Variants in MYO1E observed in about 807,000 individuals in gnomAD.
MYO1E encodes the protein myosin IE.
A neutral mutation model predicts 151.1 loss-of-function variants in MYO1E; 68 were observed. That is an observed-to-expected ratio of 0.45 (90% CI 0.37 to 0.55). MYO1E has a LOEUF of 0.55. MYO1E is among the 20% of genes least tolerant of loss of function. The probability of loss-of-function intolerance (pLI) is 0.00; values close to 1 mark genes in which losing one functional copy is unlikely to be tolerated. For missense variants in MYO1E, 1,363 were observed against 1,389.3 expected, an observed-to-expected ratio of 0.98 and a Z score of 0.30; for synonymous variants, 601 against 501.7, an observed-to-expected ratio of 1.20 and a Z score of -2.64.
intron 14 of MYO1E, 182 bp downstream of exon 14, chr15:59,208,499 A>G: frequency 9.9e-6 from 7 of 704,648 alleles, no homozygotes; most frequent in Non-Finnish European, 1.2e-5. Flanking sequence ...GTAAAAATAA[A>G]TGTACATACA....
intron 10 of MYO1E, among the ~76,000 whole-genome samples, chr15:59,217,106 A>T (rs953387763): frequency 3.3e-5 from 5 of 152,118 alleles, no homozygotes; most frequent in South Asian, 2.1e-4. Flanking sequence ...AGTTCCAATC[A>T]GCTTCCTGAC....
intron 23 of MYO1E, 78 bp downstream of exon 23, chr15:59,163,079 C>T: frequency 6.5e-7 from 1 of 1,537,256 alleles, no homozygotes; most frequent in Non-Finnish European, 8.9e-7. Context: ...TCCTCCAGCC[C>T]CATCCTGAAT....
chr15:59,151,029 ACACACACACACACACACACACGCG>A (rs1422566003), intron 26 of MYO1E, among the ~76,000 whole-genome samples: 5 of 133,880 alleles, frequency 3.7e-5, no homozygotes, highest in African/African-American at 1.3e-4. Context: ...ACACACACAC[ACACACACACACACACACACACGCG>A]CGCGCGCGCA....
intron 1 of MYO1E, among the ~76,000 whole-genome samples, chr15:59,322,936 C>A (rs1156429188): frequency 6.7e-6 from 1 of 149,126 alleles, no homozygotes; most frequent in African/African-American, 2.5e-5. Context: ...ACGAGGTGGG[C>A]GGATCACGAG....
intron 1 of MYO1E, among the ~76,000 whole-genome samples, chr15:59,316,398 G>A (rs1341099747): frequency 2.6e-5 from 4 of 152,258 alleles, no homozygotes; most frequent in Admixed American, 2.0e-4. Flanking sequence ...TCTCCAGACT[G>A]GAGGCCAAAA....
At chr15:59,292,162 T>C (rs1267491970) in intron 1 of MYO1E, among the ~76,000 whole-genome samples, 1 of 152,152 alleles carries the variant, frequency 6.6e-6, no homozygotes, top group Non-Finnish European at 1.5e-5. Context: ...CAAGGGGTGA[T>C]TTTATTTTAC....
At chr15:59,155,165 G>T (rs561394719) in intron 25 of MYO1E, among the ~76,000 whole-genome samples, 1 of 152,172 alleles carries the variant, frequency 6.6e-6, no homozygotes, top group African/African-American at 2.4e-5. Flanking sequence ...AGTGATAAAA[G>T]TGGGGTCCCC....
intron 7 of MYO1E, 135 bp from the exon 8 acceptor site, chr15:59,224,958 A>T (rs566975531): frequency 8.4e-7 from 1 of 1,187,960 alleles, no homozygotes; most frequent in South Asian, 1.3e-5. Flanking sequence ...CTGGCCCCCA[A>T]ATATGTACTT....
Position 59,136,604 on chromosome 15 carries a change from G to C in MYO1E, c.*776C>G, listed in dbSNP as rs1490221272. ...TTCATACATGTTTCTACCATCTCAA[G>C]ATTTTTATATATACAGTATATGATC... On this transcript the variant is annotated 3_prime_UTR_variant, in exon 28 of 28. Transcript: ENST00000288235. 2.4e-6 allele frequency: 1 copy of C among 419,060 alleles called. No individual in the cohort carries two copies. Among genetic ancestry groups the C allele is most frequent in the Non-Finnish European group, 4.8e-6 (1 of 206,468 alleles). The allele number at this position is 419,060 out of a possible 1,614,324, so 26.0% of individuals were successfully genotyped here.
At chr15:59,225,391 C>A (rs1363250630) in intron 7 of MYO1E, among the ~76,000 whole-genome samples, 1 of 152,162 alleles carries the variant, frequency 6.6e-6, no homozygotes, top group Non-Finnish European at 1.5e-5. Flanking sequence ...TTGGCCCCCA[C>A]ACCCCAGCTC....
intron 4 of MYO1E, among the ~76,000 whole-genome samples, chr15:59,246,907 T>C (rs2080133651): frequency 6.6e-6 from 1 of 152,196 alleles, no homozygotes; most frequent in South Asian, 2.1e-4. Flanking sequence ...TTATCCTCCG[T>C]TGATGACAAG....
At position 59,188,107 on chromosome 15, in the gene MYO1E, T is replaced by C; in HGVS notation, c.1904+11A>G. On this transcript the variant is annotated intron_variant, in intron 18 of 27. Transcript: ENST00000288235. Reference sequence around the variant, plus strand: ...CTGTTTTAAAAAAGGCCAGAGTCACTAGTTCATTACCTCTGTAGGAATTTT... The same window carrying C: ...CTGTTTTAAAAAAGGCCAGAGTCACCAGTTCATTACCTCTGTAGGAATTTT... 2.5e-6 allele frequency: 4 copies of C among 1,595,450 alleles called. No homozygotes were observed. Among genetic ancestry groups the C allele is most frequent in the Non-Finnish European group, 2.6e-6 (3 of 1,163,360 alleles).
chr15:59,195,717 A>T, intron 16 of MYO1E, 150 bp from the exon 17 acceptor site: 1 of 793,590 alleles, frequency 1.3e-6, no homozygotes, highest in Non-Finnish European at 2.1e-6. Context: ...CAGGTCTACT[A>T]AACTTTCCGA....
intron 1 of MYO1E, 104 bp downstream of exon 1, chr15:59,372,394 T>G (rs1596448184): frequency 2.1e-6 from 3 of 1,408,468 alleles, no homozygotes; most frequent in East Asian, 2.5e-5. Context: ...GTCCACCTTC[T>G]CCACCCCTGG....
At chr15:59,323,389 C>G (rs2080640736) in intron 1 of MYO1E, among the ~76,000 whole-genome samples, 3 of 151,766 alleles carry the variant, frequency 2.0e-5, no homozygotes, top group East Asian at 3.9e-4. Context: ...CACAGTGGCT[C>G]ACACCTGTAA....
At chr15:59,285,724 A>C (rs1301345493) in intron 1 of MYO1E, among the ~76,000 whole-genome samples, 1 of 152,248 alleles carries the variant, frequency 6.6e-6, no homozygotes, top group African/African-American at 2.4e-5. Flanking sequence ...AAAAGTGAAA[A>C]AAATTTTTAA....
At chr15:59,276,162 G>A (rs1383116061) in intron 1 of MYO1E, among the ~76,000 whole-genome samples, 1 of 152,170 alleles carries the variant, frequency 6.6e-6, no homozygotes, top group Non-Finnish European at 1.5e-5. Context: ...GGCAGGGGCA[G>A]GTTTGGCTGC....
At chr15:59,151,047 A>G (rs867594298) in intron 26 of MYO1E, among the ~76,000 whole-genome samples, 10,440 of 90,010 alleles carry the variant, frequency 0.12, 451 homozygotes, top group African/African-American at 0.24. Context: ...ACACACACAC[A>G]CACGCGCGCG....
intron 2 of MYO1E, among the ~76,000 whole-genome samples, chr15:59,270,587 TTATATCCCACAAC>T (rs1596393943): frequency 1.3e-5 from 2 of 150,534 alleles, no homozygotes; most frequent in African/African-American, 4.9e-5. Flanking sequence ...AAAAATCACA[TTATATCCCACAAC>T]TATATACAAT....
Sources: allele counts gnomAD v4.1 joint callset (sites outside exome capture counted in the v4.1 genomes callset), GRCh38; gene constraint gnomAD v4.1.1; transcripts MANE v1.5; gene names NCBI Gene and HGNC (gene_info 2026-07-23, HGNC 2026-07-21).